Variants in TDRD3 observed in about 807,000 individuals in gnomAD.
The protein encoded by TDRD3 is tudor domain-containing protein 3.
Under a neutral mutation model 86.7 loss-of-function variants are expected in TDRD3, and 45 were observed. The ratio of observed to expected loss-of-function variants is 0.52; its 90% CI spans 0.41 to 0.67. The LOEUF is 0.67. Ranked by LOEUF, TDRD3 falls within the 30% of genes least tolerant of loss-of-function variation. The pLI is 0.00. For synonymous variants in TDRD3, 298 were observed against 301.7 expected (o/e 0.99, Z 0.13); for missense variants, 814 against 889.0 (o/e 0.92, Z 1.07).
intron 12 of TDRD3, among the ~76,000 whole-genome samples, chr13:60,545,809 G>C (rs1356422549): frequency 6.6e-6 from 1 of 152,078 alleles, no homozygotes; most frequent in Non-Finnish European, 1.5e-5. Flanking sequence ...TCAAGGGGTT[G>C]AGAGTATTGG....
chr13:60,485,204 A>G (rs1443043950), intron 6 of TDRD3, among the ~76,000 whole-genome samples: 1 of 151,762 alleles, frequency 6.6e-6, no homozygotes, highest in African/African-American at 2.4e-5. Context: ...ATTTTATACT[A>G]TTTTTACTGG....
At position 60,485,779 on chromosome 13, in the gene TDRD3, ATTC is replaced by A. The variant is rs535663709; in HGVS notation, c.568-17_568-15del. The A allele has an allele frequency of 4.2e-4, 657 of 1,549,594 alleles. 2 individuals are homozygous for A. In the African/African-American group the frequency reaches 7.7e-3, roughly 18 times the overall value. ...TCTTTTGGAACTACTAAGTTGACTT[ATTC>A]TTACTTGTTTTACTAGAAGTGTGTA... On this transcript the variant is annotated splice_polypyrimidine_tract_variant and intron_variant, in intron 6 of 13. Coordinates refer to ENST00000377881, the MANE Select transcript of TDRD3 (RefSeq NM_001146070.2).
intron 1 of TDRD3, among the ~76,000 whole-genome samples, chr13:60,438,566 A>G (rs983683836): frequency 1.3e-5 from 2 of 152,062 alleles, no homozygotes; most frequent in African/African-American, 4.8e-5. Flanking sequence ...TGGCTTATCT[A>G]CTTTAATCTT....
intron 5 of TDRD3, among the ~76,000 whole-genome samples, chr13:60,476,244 A>C (rs924810947): frequency 6.6e-6 from 1 of 152,172 alleles, no homozygotes; most frequent in Non-Finnish European, 1.5e-5. Flanking sequence ...GTCCAGTTTC[A>C]ATCTTCTGCA....
At position 60,499,773 on chromosome 13, in the gene TDRD3, C is replaced by T. The variant is rs73208078; in HGVS notation, c.858+5198C>T. ...TTCTAAGGTGAAGGATAAGTTGCTG[C>T]ATTTATAACCAAGAAAGAGGCACAA... On this transcript the variant is annotated intron_variant, in intron 8 of 13. Transcript: ENST00000377881. Among the ~76,000 whole-genome samples, 920 of 152,296 alleles carry T rather than the reference C, an allele frequency of 6.0e-3. 6 individuals carry two copies. The highest frequency in any genetic ancestry group is 7.9e-3 in the Non-Finnish European group (540 of 68,024).
intron 12 of TDRD3, among the ~76,000 whole-genome samples, chr13:60,547,760 CAGTT>C (rs1281919806): frequency 6.6e-6 from 1 of 152,144 alleles, no homozygotes; most frequent in Non-Finnish European, 1.5e-5. Flanking sequence ...GTCTGATAAA[CAGTT>C]AAGTATTCTA....
intron 12 of TDRD3, among the ~76,000 whole-genome samples, chr13:60,566,586 A>C (rs1371418071): frequency 6.6e-6 from 1 of 152,194 alleles, no homozygotes; most frequent in Non-Finnish European, 1.5e-5. Context: ...TTCAGTTGGA[A>C]TTTAAACTCC....
intron 1 of TDRD3, among the ~76,000 whole-genome samples, chr13:60,401,047 T>A (rs1413306080): frequency 2.6e-5 from 4 of 152,164 alleles, no homozygotes; most frequent in Non-Finnish European, 4.4e-5. Flanking sequence ...ATAAAGGGCT[T>A]ATTCTGAGGG....
At chr13:60,518,849 G>A (rs1957225785) in intron 10 of TDRD3, among the ~76,000 whole-genome samples, 1 of 152,130 alleles carries the variant, frequency 6.6e-6, no homozygotes, top group Non-Finnish European at 1.5e-5. Context: ...AAAAGAGGAT[G>A]TGTAGGTTCC....
intron 8 of TDRD3, 197 bp from the exon 9 acceptor site, chr13:60,509,566 C>T (rs1041861390): frequency 4.7e-6 from 3 of 632,944 alleles, no homozygotes; most frequent in Non-Finnish European, 8.2e-6. Flanking sequence ...TCAGAGAATA[C>T]TCAAGGCACA....
chr13:60,467,695 A>G (rs1015633172), intron 5 of TDRD3, among the ~76,000 whole-genome samples: 3 of 152,238 alleles, frequency 2.0e-5, no homozygotes. Context: ...ACAAAAGTGC[A>G]TCTATGTGAA....
chr13:60,473,124 T>A (rs11843259), intron 5 of TDRD3, among the ~76,000 whole-genome samples: 6,783 of 152,250 alleles, frequency 0.045, 207 homozygotes, highest in Non-Finnish European at 0.064. Flanking sequence ...GGCTTTGGTA[T>A]CTCACCAGGG....
At chr13:60,439,663 T>A in intron 1 of TDRD3, 25 bp from the exon 2 acceptor site, 1 of 1,508,726 alleles carries the variant, frequency 6.6e-7, no homozygotes, top group Non-Finnish European at 8.9e-7. Flanking sequence ...TAGATAATAT[T>A]AAGCCATTTA....
intron 5 of TDRD3, among the ~76,000 whole-genome samples, chr13:60,467,617 T>C (rs1955975939): frequency 6.6e-6 from 1 of 152,244 alleles, no homozygotes; most frequent in Non-Finnish European, 1.5e-5. Context: ...CTGACAAGTT[T>C]CAAAACTGTC....
intron 1 of TDRD3, among the ~76,000 whole-genome samples, chr13:60,410,848 G>T (rs575139892): frequency 1.4e-4 from 22 of 151,984 alleles, no homozygotes; most frequent in African/African-American, 5.3e-4. Flanking sequence ...TTCTGGTTGT[G>T]GATTTTTTGC....
chr13:60,397,680 G>C (rs1953965545), intron 1 of TDRD3, among the ~76,000 whole-genome samples: 1 of 148,640 alleles, frequency 6.7e-6, no homozygotes, highest in Non-Finnish European at 1.5e-5. Flanking sequence ...GGAGAGGCCG[G>C]GGGCCGCGAG....
chr13:60,548,225 T>C (rs1957975305), intron 12 of TDRD3, among the ~76,000 whole-genome samples: 1 of 152,192 alleles, frequency 6.6e-6, no homozygotes, highest in African/African-American at 2.4e-5. Context: ...TTCTCAGAAA[T>C]TAAGTCCTAG....
In TDRD3 at chr13:60,448,311, G is replaced by A. The variant is rs371307313; in HGVS notation, c.192+3563G>A. Among the ~76,000 whole-genome samples the A allele has an allele frequency of 6.6e-5, 10 of 152,204 alleles. No homozygotes were observed. In the East Asian group the frequency reaches 1.5e-3, roughly 24 times the overall value. On this transcript the variant is annotated intron_variant, in intron 3 of 13. Coordinates refer to ENST00000377881, the MANE Select transcript of TDRD3 (RefSeq NM_001146070.2). ...CATCAGAGGCCTTCAGAAAGGCGTCGTCCTGAAGCTTTGAAACTGAAGTCT... is the reference window on the plus strand; with the variant it reads ...CATCAGAGGCCTTCAGAAAGGCGTCATCCTGAAGCTTTGAAACTGAAGTCT...
intron 11 of TDRD3, among the ~76,000 whole-genome samples, chr13:60,529,961 A>T (rs1957541411): frequency 6.6e-6 from 1 of 151,898 alleles, no homozygotes; most frequent in African/African-American, 2.4e-5. Flanking sequence ...GACTTTGCAC[A>T]TTTTTTTCCT....
Sources: gnomAD v4.1 joint callset for allele counts (sites outside exome capture counted in the v4.1 genomes callset) on GRCh38, gnomAD v4.1.1 for gene constraint, MANE v1.5 for transcripts, NCBI Gene and HGNC (gene_info 2026-07-23, HGNC 2026-07-21) for gene names.